GALNT15: variants seen among roughly 807,000 people sequenced by gnomAD.
GALNT15 encodes UDP-GalNAc transferase T15.
A neutral mutation model predicts 66.8 loss-of-function variants in GALNT15; 67 were observed. The observed-to-expected ratio is 1.00, with a 90% CI of 0.82 to 1.23. The LOEUF (loss-of-function observed/expected upper bound fraction) is 1.23, where lower values mean the gene tolerates loss of function less well. GALNT15 is among the 50% of genes most tolerant of loss of function. GALNT15 has a pLI of 0.00. For synonymous variants in GALNT15, 313 were observed against 311.5 expected (o/e 1.00, Z -0.05); for missense variants, 827 against 804.3 (o/e 1.03, Z -0.34).
chr3:16,200,607 T>C lies in GALNT15; in HGVS notation c.707-12T>C. 1 of 1,512,514 alleles carries C rather than the reference T, an allele frequency of 6.6e-7. No homozygotes were observed. Among genetic ancestry groups the C allele is most frequent in the Non-Finnish European group, 8.9e-7 (1 of 1,128,352 alleles). 93.7% of individuals were successfully genotyped at this position (1,512,514 alleles called of 1,614,324 possible). A position where few individuals can be genotyped will look rare whatever the true frequency, so the allele number is the denominator to read the frequency against. On this transcript the variant is annotated splice_polypyrimidine_tract_variant and intron_variant, in intron 2 of 9. Transcript: ENST00000339732. This position sits in a 1 kb window ranked among gnomAD's most constrained non-coding sequence, Gnocchi z 4.4. ...TTTGTCATTCCACTGACCACAACCC[T>C]GTTGATTCCAGGACAACTCAAGTCT...
chr3:16,229,712 T>C lies in GALNT15; in HGVS notation c.*2212T>C, dbSNP rs2064063915. On this transcript the variant is annotated 3_prime_UTR_variant, in exon 10 of 10. Coordinates refer to ENST00000339732, the MANE Select transcript of GALNT15 (RefSeq NM_054110.5). ...GGTCTTTGAAGTTGCTGGGATAAAT[T>C]AATATAATTAAATAAAAGACTGAAT... 1 of 976,712 alleles carries C rather than the reference T, an allele frequency of 1.0e-6. No homozygotes were observed. The highest frequency in any genetic ancestry group is 1.1e-4 in the East Asian group (1 of 8,770). 60.5% of individuals were successfully genotyped at this position (976,712 alleles called of 1,614,324 possible).
At position 16,204,723 on chromosome 3, in the gene GALNT15, G is replaced by A. The variant is rs1177228980; in HGVS notation, c.912-3780G>A. On this transcript the variant is annotated intron_variant, in intron 3 of 9. Coordinates refer to ENST00000339732, the MANE Select transcript of GALNT15 (RefSeq NM_054110.5). This position sits in a 1 kb window ranked among gnomAD's most constrained non-coding sequence, Gnocchi z 4.5. ...AAGCTGAACAAGTTATCTCTTACTTGAAAATGGGTCTGGTCCCTATCTGCG... is the reference window on the plus strand; with the variant it reads ...AAGCTGAACAAGTTATCTCTTACTTAAAAATGGGTCTGGTCCCTATCTGCG... Among the ~76,000 whole-genome samples the A allele has an allele frequency of 6.6e-6, 1 of 152,198 alleles. No homozygotes were observed. Among genetic ancestry groups the A allele is most frequent in the Non-Finnish European group, 1.5e-5 (1 of 68,040 alleles).
At chr3:16,212,784 G>A (rs2063831370) in intron 6 of GALNT15, 21 bp downstream of exon 6, 2 of 1,606,218 alleles carry the variant, frequency 1.2e-6, no homozygotes, top group Non-Finnish European at 1.7e-6. Context: ...AGCCAAGTGG[G>A]GCTTCTGTGT....
chr3:16,232,469 A>AATTATATATATAT (rs2064092112), downstream of GALNT15, among the ~76,000 whole-genome samples: 4 of 38,754 alleles, frequency 1.0e-4, no homozygotes, highest in Non-Finnish European at 1.6e-4. Flanking sequence ...TAAATAAATA[A>AATTATATATATAT]ATATATATAT....
rs1487316746 is a variant in GALNT15 at position 16,174,895 on chromosome 3, A to C, written c.-257A>C. 4 of 491,658 alleles carry C rather than the reference A, an allele frequency of 8.1e-6. No homozygotes were observed. The highest frequency in any genetic ancestry group is 1.4e-5 in the Non-Finnish European group (4 of 276,872). 30.5% of individuals were successfully genotyped at this position (491,658 alleles called of 1,614,324 possible). ...GCAATTCAATTTGAAGTCCCTGTGA[A>C]TGGGCTTTCAGAAGGCAATTAAAGA... On this transcript the variant is annotated 5_prime_UTR_variant, in exon 1 of 10. The change abolishes an upstream ATG in the 5' untranslated region. Transcript: ENST00000339732. This position sits in a 1 kb window ranked among gnomAD's most constrained non-coding sequence, Gnocchi z 4.7.
chr3:16,222,434 G>A (rs1378585674), intron 8 of GALNT15, among the ~76,000 whole-genome samples, 181 bp from the exon 9 acceptor site: 1 of 152,208 alleles, frequency 6.6e-6, no homozygotes, highest in Non-Finnish European at 1.5e-5. Context: ...GGACTTCAGA[G>A]GCTATGACTA....
At chr3:16,241,259 A>G in the GALNT15 span, among the ~76,000 whole-genome samples, 1 of 152,186 alleles carries the variant, frequency 6.6e-6, no homozygotes, top group Non-Finnish European at 1.5e-5. This position sits in a 1 kb window ranked among gnomAD's most constrained non-coding sequence, Gnocchi z 4.6. Flanking sequence ...ACAGGCACGT[A>G]ATACATGCTT....
chr3:16,219,367 C>G lies in GALNT15; in HGVS notation c.1393-36C>G, dbSNP rs1359223458. 6.2e-6 allele frequency: 10 copies of G among 1,609,820 alleles called. No individual in the cohort carries two copies. The highest frequency in any genetic ancestry group is 8.5e-6 in the Non-Finnish European group (10 of 1,177,800). ...CCATGTGAATTCTGGGCAAGACAAG[C>G]TTTCATCATCCTGCTTGTGTCTTTC... On this transcript the variant is annotated intron_variant, in intron 6 of 9. Transcript: ENST00000339732. This position sits in a 1 kb window ranked among gnomAD's most constrained non-coding sequence, Gnocchi z 4.3.
chr3:16,244,680 G>C, the GALNT15 span, among the ~76,000 whole-genome samples: 1 of 152,198 alleles, frequency 6.6e-6, no homozygotes, highest in Non-Finnish European at 1.5e-5. Context: ...AGTTGAATGA[G>C]AATCTCATTA....
intron 5 of GALNT15, among the ~76,000 whole-genome samples, chr3:16,212,063 G>T (rs576203547): frequency 6.6e-6 from 1 of 152,122 alleles, no homozygotes; most frequent in Non-Finnish European, 1.5e-5. Context: ...AACTCCAGCC[G>T]TTTGGGAGTG....
rs138356338 is a variant in GALNT15 at position 16,222,664 on chromosome 3, A to G, written c.1679A>G (p.His560Arg). Residue 560 changes from histidine to arginine, a missense_variant, in exon 9 of 10, where the codon CAC (histidine) becomes CGC (arginine). Transcript: ENST00000339732. ...GAGATTCACTTTGGCAGCCCACAGC[A>G]CCTGTGCTTTGCTGTCAGGCAGGAG... ...RKEIHFGSPQ[H>R]LCFAVRQEQV... 4 of 1,614,240 alleles carry G rather than the reference A, an allele frequency of 2.5e-6. No homozygotes were observed. In the East Asian group the frequency reaches 6.7e-5, roughly 27 times the overall value.
rs889686760 is a variant in GALNT15, at chr3:16,193,027, G to A, written c.540-2733G>A. ...TTTTGCTCATTGTGGATGATTACGT[G>A]AGATATTTTCATGATGGGGAGCTAG... is the stretch of plus-strand genomic sequence containing the variant. On this transcript the variant is annotated intron_variant, in intron 1 of 9. Coordinates refer to ENST00000339732, the MANE Select transcript of GALNT15 (RefSeq NM_054110.5). The surrounding 1 kb of genome is among the most constrained non-coding windows in gnomAD (Gnocchi z 4.7). Among the ~76,000 whole-genome samples the A allele has an allele frequency of 2.6e-5, 4 of 152,178 alleles. No individual in the cohort carries two copies. The highest frequency in any genetic ancestry group is 9.7e-5 in the African/African-American group (4 of 41,440).
chr3:16,226,804 G>T (rs2064024957), intron 9 of GALNT15, among the ~76,000 whole-genome samples: 1 of 152,196 alleles, frequency 6.6e-6, no homozygotes, highest in Non-Finnish European at 1.5e-5. Context: ...TTTTCATAAA[G>T]TAATTAAATT....
chr3:16,236,103 T>TAAAA (rs2064123813), downstream of GALNT15, among the ~76,000 whole-genome samples: 1 of 1,874 alleles, frequency 5.3e-4, no homozygotes, highest in Non-Finnish European at 1.4e-3. Flanking sequence ...AGACTATGTC[T>TAAAA]CAAAAAAAAA....
At chr3:16,233,092 A>ATGTTT (rs771943641), downstream of GALNT15, among the ~76,000 whole-genome samples, 53 of 48,070 alleles carry the variant, frequency 1.1e-3, 3 homozygotes, top group Admixed American at 1.4e-3. Flanking sequence ...AGGATAATGC[A>ATGTTT]TCTTTTTTTT....
intron 1 of GALNT15, among the ~76,000 whole-genome samples, chr3:16,190,480 T>C (rs916678065): frequency 2.0e-5 from 3 of 151,576 alleles, no homozygotes; most frequent in South Asian, 2.1e-4. Context: ...CTACTAAAAA[T>C]ACAAAAAATT....
rs531155387 is a variant in GALNT15 at position 16,184,365 on chromosome 3, G to C, written c.539+8675G>C. On this transcript the variant is annotated intron_variant, in intron 1 of 9. Transcript: ENST00000339732. The surrounding 1 kb of genome is among the most constrained non-coding windows in gnomAD (Gnocchi z 5.0). ...TGTTCAAGAGCCTTTGCCATGCTCTGCCTCATTGGTTGGCTCAGCAATGCT... is the reference window on the plus strand; with the variant it reads ...TGTTCAAGAGCCTTTGCCATGCTCTCCCTCATTGGTTGGCTCAGCAATGCT... Among the ~76,000 whole-genome samples, 1 of 152,322 alleles carries C rather than the reference G, an allele frequency of 6.6e-6. No homozygotes were observed. Among genetic ancestry groups the C allele is most frequent in the African/African-American group, 2.4e-5 (1 of 41,560 alleles).
At chr3:16,215,617 A>T (rs1244804201) in intron 6 of GALNT15, among the ~76,000 whole-genome samples, 1 of 152,274 alleles carries the variant, frequency 6.6e-6, no homozygotes, top group East Asian at 1.9e-4. Context: ...TATTTGGTAT[A>T]TCGAAGGTGC....
rs3055462 is a variant in GALNT15, at chr3:16,213,452, CAA to C, written c.1392+708_1392+709del. On this transcript the variant is annotated intron_variant, in intron 6 of 9. Coordinates refer to ENST00000339732, the MANE Select transcript of GALNT15 (RefSeq NM_054110.5). ...CCTGAGTGACAGAGCAACTCCATCT[CAA>C]AAAAAAAAAAAAAAAAAATAGAGTC... Among the ~76,000 whole-genome samples the C allele has an allele frequency of 4.7e-5, 3 of 63,862 alleles. No homozygotes were observed. The South Asian group carries it at 2.1e-3, about 44-fold the overall frequency. 41.9% of individuals were successfully genotyped at this position (63,862 alleles called of 152,430 possible). A position where few individuals can be genotyped will look rare whatever the true frequency, so the allele number is the denominator to read the frequency against.
Sources: allele counts gnomAD v4.1 joint callset (sites outside exome capture counted in the v4.1 genomes callset), GRCh38; gene constraint gnomAD v4.1.1; non-coding constraint Gnocchi (gnomAD v3.1); transcripts MANE v1.5; gene names NCBI Gene and HGNC (gene_info 2026-07-23, HGNC 2026-07-21).